PPP2R2B: variants seen among roughly 807,000 people sequenced by gnomAD.
PPP2R2B encodes the protein serine/threonine-protein phosphatase 2A 55 kDa regulatory subunit B beta isoform.
Under a neutral mutation model 46.0 loss-of-function variants are expected in PPP2R2B, and 5 were observed. The ratio of observed to expected loss-of-function variants is 0.11; its 90% confidence interval spans 0.06 to 0.23. The LOEUF (loss-of-function observed/expected upper bound fraction) is 0.23. Among genes scored for constraint, PPP2R2B ranks in the 10% least tolerant of loss-of-function variants. The probability of loss-of-function intolerance (pLI) is 1.00; values close to 1 mark genes in which losing one functional copy is unlikely to be tolerated. For synonymous variants in PPP2R2B, 215 were observed against 206.7 expected, an observed-to-expected ratio of 1.04 and a Z score of -0.34; for missense variants, 367 against 575.0, an observed-to-expected ratio of 0.64 and a Z score of 3.70.
chr5:146,829,227 T>C (rs937445381), intron 2 of PPP2R2B, among the ~76,000 whole-genome samples: 1 of 152,206 alleles, frequency 6.6e-6, no homozygotes, highest in African/African-American at 2.4e-5. Context: ...ACTCTTGTTT[T>C]TTAAAAAATT....
chr5:146,620,348 G>A (rs529981092), intron 7 of PPP2R2B, among the ~76,000 whole-genome samples: 2 of 152,250 alleles, frequency 1.3e-5, no homozygotes, highest in South Asian at 2.1e-4. Flanking sequence ...TAGCCAAGCG[G>A]GACTGGTGCC....
chr5:146,678,748 AACAG>A (rs1777917798), intron 5 of PPP2R2B, among the ~76,000 whole-genome samples: 1 of 145,396 alleles, frequency 6.9e-6, no homozygotes, highest in Non-Finnish European at 1.5e-5. Flanking sequence ...ATACACCAAC[AACAG>A]ACAAACAGAG....
chr5:146,809,028 C>T (rs1043493955), intron 2 of PPP2R2B, among the ~76,000 whole-genome samples: 18 of 149,526 alleles, frequency 1.2e-4, no homozygotes, highest in African/African-American at 3.7e-4. Flanking sequence ...GATGAATGTC[C>T]TTGGGTCCTG....
rs940541258 is a variant in PPP2R2B, at chr5:147,077,197, T to A, written c.50+3862A>T. Among the ~76,000 whole-genome samples, 248 of 146,760 alleles carry A rather than the reference T, an allele frequency of 1.7e-3. 1 individual carries two copies. Among genetic ancestry groups the A allele is most frequent in the South Asian group, 2.7e-3 (13 of 4,768 alleles). The stretch of plus-strand genomic sequence containing the variant: ...TATGTATAATATTGTATATTATATA[T>A]TATATATGTACAATATACACATATG... On this transcript the variant is annotated intron_variant, in intron 2 of 10. Transcript: ENST00000394413.
intron 7 of PPP2R2B, among the ~76,000 whole-genome samples, chr5:146,629,511 GTCTC>G (rs907109868): frequency 2.6e-5 from 4 of 152,042 alleles, no homozygotes; most frequent in African/African-American, 9.7e-5. Flanking sequence ...CCTCTAAATG[GTCTC>G]TCTGCTTTCC....
chr5:146,991,966 C>A (rs1165139227), intron 1 of PPP2R2B, among the ~76,000 whole-genome samples: 1 of 151,938 alleles, frequency 6.6e-6, no homozygotes, highest in Non-Finnish European at 1.5e-5. Context: ...CTACAGAGTC[C>A]ATGGAATCCA....
At chr5:146,889,495 T>G (rs1262829455) in intron 1 of PPP2R2B, among the ~76,000 whole-genome samples, 1 of 152,206 alleles carries the variant, frequency 6.6e-6, no homozygotes, top group African/African-American at 2.4e-5. Flanking sequence ...GATAAGTTTC[T>G]TTGGTTGACA....
chr5:147,061,076 C>T lies in PPP2R2B; in HGVS notation c.50+19983G>A, dbSNP rs188355413. On this transcript the variant is annotated intron_variant, in intron 2 of 10. Coordinates refer to the PPP2R2B transcript ENST00000394413. ...ATCCTCTTTGTGGTTAGTTCATTTA[C>T]CCATTCATTCATACAATATAATCTT... Among the ~76,000 whole-genome samples, 5 of 152,166 alleles carry T rather than the reference C, an allele frequency of 3.3e-5. No individual in the cohort carries two copies. The East Asian group carries it at 9.6e-4, about 29-fold the overall frequency.
intron 5 of PPP2R2B, among the ~76,000 whole-genome samples, chr5:146,660,976 A>G (rs778955028): frequency 3.3e-5 from 5 of 152,188 alleles, no homozygotes; most frequent in Admixed American, 1.3e-4. Flanking sequence ...AGAGATGTAT[A>G]TTGTTTCATG....
intron 1 of PPP2R2B, among the ~76,000 whole-genome samples, chr5:147,016,425 C>G (rs192991785): frequency 6.6e-6 from 1 of 151,222 alleles, no homozygotes; most frequent in Non-Finnish European, 1.5e-5. Context: ...ACTTCTAAGA[C>G]GTTGTTAGCA....
intron 2 of PPP2R2B, among the ~76,000 whole-genome samples, chr5:147,071,824 T>A (rs1459917071): frequency 6.6e-6 from 1 of 152,184 alleles, no homozygotes; most frequent in Non-Finnish European, 1.5e-5. Flanking sequence ...CACTATTGAA[T>A]CTCCAGTGCC....
chr5:147,024,153 C>CTCTATCTATCTATCTATCTA (rs57080635), intron 1 of PPP2R2B, among the ~76,000 whole-genome samples: 31 of 145,648 alleles, frequency 2.1e-4, no homozygotes, highest in South Asian at 6.9e-4. Flanking sequence ...AAATCCCCTC[C>CTCTATCTATCTATCTATCTA]TCTATCTATC....
At chr5:147,009,898 C>CACACACACACATAT (rs781463815) in intron 1 of PPP2R2B, among the ~76,000 whole-genome samples, 1 of 145,520 alleles carries the variant, frequency 6.9e-6, no homozygotes, top group African/African-American at 2.6e-5. Flanking sequence ...CACACACACA[C>CACACACACACATAT]ATATATATAT....
intron 2 of PPP2R2B, among the ~76,000 whole-genome samples, chr5:146,820,142 G>A (rs1296410495): frequency 6.6e-6 from 1 of 152,152 alleles, no homozygotes; most frequent in East Asian, 1.9e-4. Flanking sequence ...TTGCACAGAA[G>A]GGTGACTATA....
intron 2 of PPP2R2B, among the ~76,000 whole-genome samples, chr5:146,789,001 A>G (rs1324944036): frequency 6.6e-6 from 1 of 152,184 alleles, no homozygotes; most frequent in Non-Finnish European, 1.5e-5. Context: ...AAGGGCTCAG[A>G]TCAGTTGGGA....
intron 1 of PPP2R2B, among the ~76,000 whole-genome samples, chr5:146,916,595 G>A (rs748595322): frequency 1.7e-4 from 26 of 152,004 alleles, no homozygotes; most frequent in Admixed American, 2.6e-4. Context: ...TTAAAAACCC[G>A]TATCCCACAA....
chr5:147,048,137 G>T (rs1054493451), intron 1 of PPP2R2B, among the ~76,000 whole-genome samples: 1 of 152,160 alleles, frequency 6.6e-6, no homozygotes, highest in Admixed American at 6.6e-5. Context: ...TTAGAGTTGT[G>T]TGCGTATGCA....
At chr5:146,595,665 T>G (rs1470492301) in intron 8 of PPP2R2B, among the ~76,000 whole-genome samples, 1 of 152,190 alleles carries the variant, frequency 6.6e-6, no homozygotes, top group African/African-American at 2.4e-5. Context: ...ATGCTGTATT[T>G]ATGTTTTGTT....
At chr5:147,057,770 T>A (rs1348773066), upstream of PPP2R2B, among the ~76,000 whole-genome samples, 2 of 152,168 alleles carry the variant, frequency 1.3e-5, no homozygotes, top group Non-Finnish European at 2.9e-5. Context: ...GAGGCTGCAG[T>A]TAGACAGCCA....
Sources: gnomAD v4.1 joint callset for allele counts (sites outside exome capture counted in the v4.1 genomes callset) on GRCh38, gnomAD v4.1.1 for gene constraint, MANE v1.5 for transcripts, NCBI Gene and HGNC (gene_info 2026-07-23, HGNC 2026-07-21) for gene names.